Variants in BACH2 observed in about 807,000 individuals in gnomAD.
BACH2 encodes BACH transcriptional regulator 2, also known as transcription regulator protein BACH2.
In BACH2, 5 loss-of-function variants were observed where a neutral mutation model predicts 61.8. The observed-to-expected ratio is 0.08, with a 90% CI of 0.04 to 0.17. The LOEUF is 0.17. Among genes scored for constraint, BACH2 ranks in the 10% least tolerant of loss-of-function variants. BACH2 has a pLI of 1.00. For missense variants in BACH2, 824 were observed against 1,091.1 expected, an observed-to-expected ratio of 0.76 and a Z score of 3.45; for synonymous variants, 446 against 440.1, an observed-to-expected ratio of 1.01 and a Z score of -0.17.
chr6:90,143,930 T>C (rs1784540705), intron 4 of BACH2, among the ~76,000 whole-genome samples: 1 of 151,916 alleles, frequency 6.6e-6, no homozygotes, highest in Admixed American at 6.5e-5. Context: ...GACATTACTA[T>C]ATATGTTATA....
chr6:90,255,149 A>G (rs1188072982), intron 2 of BACH2, among the ~76,000 whole-genome samples: 1 of 152,154 alleles, frequency 6.6e-6, no homozygotes, highest in Admixed American at 6.6e-5. Context: ...CCCTTCTAAC[A>G]CATTATCTTA....
At chr6:90,181,070 T>C (rs757101912) in intron 4 of BACH2, among the ~76,000 whole-genome samples, 11 of 152,226 alleles carry the variant, frequency 7.2e-5, no homozygotes, top group Non-Finnish European at 1.5e-4. Context: ...AGATCTACTT[T>C]TAGTTCTTTG....
At chr6:90,121,481 A>T in intron 4 of BACH2, among the ~76,000 whole-genome samples, 1 of 152,306 alleles carries the variant, frequency 6.6e-6, no homozygotes, top group East Asian at 1.9e-4. Flanking sequence ...TATTTTAATA[A>T]AAAGATATAT....
intron 4 of BACH2, among the ~76,000 whole-genome samples, chr6:90,121,954 T>C (rs1025340935): frequency 6.6e-6 from 1 of 152,246 alleles, no homozygotes; most frequent in East Asian, 1.9e-4. Context: ...GGTGTGAGGC[T>C]ACCTATCTAT....
In BACH2 at chr6:89,950,088, G is replaced by A. The variant is rs1773984506; in HGVS notation, c.1836+182C>T. The A allele has an allele frequency of 1.4e-6, 1 of 703,724 alleles. No individual in the cohort carries two copies. The highest frequency in any genetic ancestry group is 2.2e-5 in the Admixed American group (1 of 44,876). The allele number at this position is 703,724 out of a possible 1,614,324, so 43.6% of individuals were successfully genotyped here. ...AAATATCAAGTGCTTTTCTAGGACA[G>A]AAGTGGTTAATGTGGAATCACCTTC... On this transcript the variant is annotated intron_variant, in intron 7 of 8. Transcript: ENST00000257749. The surrounding 1 kb of genome is among the most constrained non-coding windows in gnomAD (Gnocchi z 5.3).
chr6:90,192,779 T>C (rs1017302382), intron 4 of BACH2, among the ~76,000 whole-genome samples: 4 of 152,196 alleles, frequency 2.6e-5, no homozygotes, highest in East Asian at 3.9e-4. Flanking sequence ...TATTAGATTC[T>C]TAAGAAAACA....
chr6:89,987,452 A>T (rs1776304975), intron 6 of BACH2, among the ~76,000 whole-genome samples: 1 of 152,130 alleles, frequency 6.6e-6, no homozygotes, highest in Admixed American at 6.5e-5. Context: ...TGGCATGTGG[A>T]ATGGCAGAAG....
At chr6:90,054,722 C>T (rs1328816811) in intron 5 of BACH2, among the ~76,000 whole-genome samples, 1 of 152,212 alleles carries the variant, frequency 6.6e-6, no homozygotes, top group Non-Finnish European at 1.5e-5. Context: ...GAGGCACCCC[C>T]CAGTAGAGGC....
intron 5 of BACH2, among the ~76,000 whole-genome samples, chr6:90,026,305 A>G (rs1156375292): frequency 6.6e-6 from 1 of 152,236 alleles, no homozygotes; most frequent in East Asian, 1.9e-4. Flanking sequence ...GAACGCTATC[A>G]AAGTGCTATA....
chr6:90,225,570 C>T (rs1012866998), intron 3 of BACH2, among the ~76,000 whole-genome samples: 1 of 151,834 alleles, frequency 6.6e-6, no homozygotes, highest in African/African-American at 2.4e-5. Flanking sequence ...ACAATGAGAA[C>T]GCATGGACAC....
intron 5 of BACH2, among the ~76,000 whole-genome samples, chr6:90,069,664 C>T (rs953694298): frequency 3.3e-5 from 5 of 152,172 alleles, no homozygotes; most frequent in African/African-American, 1.2e-4. Flanking sequence ...AAATGCTACA[C>T]ATAACATCTT....
chr6:90,282,142 C>T (rs1443076198), intron 1 of BACH2, among the ~76,000 whole-genome samples: 1 of 152,136 alleles, frequency 6.6e-6, no homozygotes, highest in Non-Finnish European at 1.5e-5. Context: ...AACAATGCTT[C>T]TTTGAATATG....
intron 3 of BACH2, among the ~76,000 whole-genome samples, chr6:90,217,775 G>A (rs1769589083): frequency 6.6e-6 from 1 of 151,816 alleles, no homozygotes; most frequent in African/African-American, 2.4e-5. Flanking sequence ...AAAGGCTTGT[G>A]GTATAAACAG....
At chr6:90,092,011 A>AAAT (rs1782179224) in intron 4 of BACH2, among the ~76,000 whole-genome samples, 1 of 152,042 alleles carries the variant, frequency 6.6e-6, no homozygotes, top group Non-Finnish European at 1.5e-5. Context: ...AGGGAGTGAA[A>AAAT]AATAAAATGG....
chr6:90,159,460 T>C (rs1362480952), intron 4 of BACH2, among the ~76,000 whole-genome samples: 1 of 152,218 alleles, frequency 6.6e-6, no homozygotes, highest in Admixed American at 6.5e-5. Context: ...AACTTTTATA[T>C]ACGCAGACCT....
intron 2 of BACH2, among the ~76,000 whole-genome samples, chr6:90,260,182 T>C (rs577047458): frequency 1.3e-5 from 2 of 152,348 alleles, no homozygotes; most frequent in South Asian, 2.1e-4. Context: ...TGTAGGCATA[T>C]ATTGCTATAA....
intron 4 of BACH2, among the ~76,000 whole-genome samples, chr6:90,157,089 T>C (rs1194307400): frequency 2.0e-5 from 3 of 152,244 alleles, no homozygotes; most frequent in African/African-American, 7.2e-5. Flanking sequence ...TGACTTAACC[T>C]GACTCTCAAC....
intron 4 of BACH2, among the ~76,000 whole-genome samples, chr6:90,178,661 G>A (rs1562489417): frequency 6.6e-6 from 1 of 151,630 alleles, no homozygotes; most frequent in Non-Finnish European, 1.5e-5. Context: ...AGTATTCACT[G>A]TGGTTTAAAC....
chr6:90,125,848 G>C (rs1330381024), intron 4 of BACH2, among the ~76,000 whole-genome samples: 1 of 152,170 alleles, frequency 6.6e-6, no homozygotes, highest in Non-Finnish European at 1.5e-5. Context: ...CAACCCATAA[G>C]ACAACGCCAA....
Sources: allele counts gnomAD v4.1 joint callset (sites outside exome capture counted in the v4.1 genomes callset), GRCh38; gene constraint gnomAD v4.1.1; non-coding constraint Gnocchi (gnomAD v3.1); transcripts MANE v1.5; gene names NCBI Gene and HGNC (gene_info 2026-07-23, HGNC 2026-07-21).